SHANK2: variants seen among roughly 807,000 people sequenced by gnomAD.
SHANK2 encodes SH3 and multiple ankyrin repeat domains 2, also known as SH3 and multiple ankyrin repeat domains protein 2.
SHANK2 carries 43 observed loss-of-function variants against 133.7 expected under a neutral mutation model. The ratio of observed to expected loss-of-function variants is 0.32; its 90% CI spans 0.25 to 0.41. The LOEUF (loss-of-function observed/expected upper bound fraction) is 0.41, where lower values mean the gene tolerates loss of function less well. Ranked by LOEUF, SHANK2 falls within the 10% of genes least tolerant of loss-of-function variation. The pLI is 1.00. For synonymous variants in SHANK2, 1,017 were observed against 952.8 expected (o/e 1.07, Z -1.24); for missense variants, 1,994 against 2,235.8 (o/e 0.89, Z 2.18).
chr11:70,765,024 A>G (rs943533795), intron 14 of SHANK2, among the ~76,000 whole-genome samples: 1 of 152,230 alleles, frequency 6.6e-6, no homozygotes, highest in Admixed American at 6.5e-5. Context: ...CAACAGCCCA[A>G]GGGAAGAAGA....
intron 9 of SHANK2, among the ~76,000 whole-genome samples, chr11:71,062,996 C>CAAAAA (rs1169050698): frequency 5.6e-4 from 39 of 69,736 alleles, no homozygotes; most frequent in African/African-American, 1.9e-3. Flanking sequence ...GACCCTGTCT[C>CAAAAA]AAAAAAAAAA....
intron 17 of SHANK2, among the ~76,000 whole-genome samples, chr11:70,573,488 T>C (rs2060075140): frequency 7.2e-6 from 1 of 138,532 alleles, no homozygotes; most frequent in African/African-American, 2.7e-5. Flanking sequence ...TTTTAAAAAG[T>C]GTATCATGAT....
At chr11:71,128,223 C>T (rs1475524880) in intron 3 of SHANK2, among the ~76,000 whole-genome samples, 1 of 152,202 alleles carries the variant, frequency 6.6e-6, no homozygotes, top group Admixed American at 6.5e-5. Flanking sequence ...CATATTTTGC[C>T]TTAGGATGTT....
chr11:71,231,462 G>A (rs1240106014), intron 1 of SHANK2, among the ~76,000 whole-genome samples: 2 of 152,172 alleles, frequency 1.3e-5, no homozygotes, highest in South Asian at 2.1e-4. Flanking sequence ...GATCTTACAC[G>A]TTGCTGGTGG....
chr11:70,502,349 G>A, intron 18 of SHANK2, 63 bp from the exon 19 acceptor site: 1 of 1,460,790 alleles, frequency 6.8e-7, no homozygotes, highest in Non-Finnish European at 9.3e-7. Context: ...TGGGAATAAG[G>A]CTAGCAGTGG....
At chr11:70,702,523 TC>T (rs1417740291) in intron 14 of SHANK2, among the ~76,000 whole-genome samples, 1 of 151,854 alleles carries the variant, frequency 6.6e-6, no homozygotes, top group Non-Finnish European at 1.5e-5. Flanking sequence ...ATCCTCTTCT[TC>T]ACCAGCATCA....
intron 2 of SHANK2, among the ~76,000 whole-genome samples, chr11:71,220,702 C>T (rs908131794): frequency 6.6e-6 from 1 of 151,984 alleles, no homozygotes; most frequent in Non-Finnish European, 1.5e-5. Context: ...ACCCCACTCC[C>T]ATGAGGTTCC....
intron 11 of SHANK2, among the ~76,000 whole-genome samples, chr11:70,885,781 C>G (rs1302521884): frequency 6.6e-6 from 1 of 152,188 alleles, no homozygotes; most frequent in Non-Finnish European, 1.5e-5. Flanking sequence ...AGCGGACACT[C>G]CCTGGGCGTC....
At chr11:70,710,010 G>A (rs374188622) in intron 14 of SHANK2, among the ~76,000 whole-genome samples, 3 of 152,166 alleles carry the variant, frequency 2.0e-5, no homozygotes, top group Non-Finnish European at 4.4e-5. Flanking sequence ...TTCCCTGGCC[G>A]CTGGACTTGA....
intron 6 of SHANK2, among the ~76,000 whole-genome samples, chr11:71,105,910 A>G (rs74427881): frequency 0.033 from 4,950 of 152,220 alleles, 259 homozygotes; most frequent in African/African-American, 0.11. Flanking sequence ...TGTTGGGTAC[A>G]GCACCAAGCG....
At chr11:70,745,724 G>A (rs971485270) in intron 14 of SHANK2, among the ~76,000 whole-genome samples, 1 of 152,148 alleles carries the variant, frequency 6.6e-6, no homozygotes, top group African/African-American at 2.4e-5. Flanking sequence ...CTACTTCTGT[G>A]AGCCGTCCCA....
chr11:70,493,466 T>TC (rs1412808355), intron 21 of SHANK2, among the ~76,000 whole-genome samples: 1 of 106,170 alleles, frequency 9.4e-6, no homozygotes, highest in Non-Finnish European at 2.0e-5. Flanking sequence ...TGCAGCACAT[T>TC]TTTTTTTTTT....
intron 17 of SHANK2, among the ~76,000 whole-genome samples, chr11:70,508,364 C>G (rs2059160142): frequency 6.6e-6 from 1 of 152,248 alleles, no homozygotes; most frequent in African/African-American, 2.4e-5. Flanking sequence ...AGGCCACCAT[C>G]AGGGCTAAGT....
intron 17 of SHANK2, among the ~76,000 whole-genome samples, chr11:70,531,276 C>T (rs1319764639): frequency 1.3e-5 from 2 of 152,206 alleles, no homozygotes; most frequent in Admixed American, 6.5e-5. Flanking sequence ...GCCCAGGCGC[C>T]TCACCTGCCA....
intron 17 of SHANK2, among the ~76,000 whole-genome samples, chr11:70,613,438 C>T (rs907667896): frequency 3.3e-5 from 5 of 152,106 alleles, no homozygotes; most frequent in African/African-American, 7.2e-5. Flanking sequence ...CTCCTGACCT[C>T]GTGATCCGCC....
intron 1 of SHANK2, among the ~76,000 whole-genome samples, chr11:71,250,560 C>G (rs1248761584): frequency 2.6e-5 from 4 of 152,216 alleles, no homozygotes; most frequent in Non-Finnish European, 4.4e-5. Context: ...CGAGCTCGCT[C>G]TCCTCACTCC....
In SHANK2 at chr11:70,473,377, C is replaced by T. The variant is rs781979914; in HGVS notation, c.5042G>A (p.Arg1681His). 8.1e-6 allele frequency: 13 copies of T among 1,611,422 alleles called. No individual in the cohort carries two copies. Among genetic ancestry groups the T allele is most frequent in the African/African-American group, 5.3e-5 (4 of 74,914 alleles). ...GGTGATGGGCTGGGAGGTGCCGGGG[C>T]GAACAGTGAAGGTGACCGTCGTGCT... ...TRSTTVTFTV[R>H]PGTSQPITLQ... is the part of the protein sequence containing the mutation. Residue 1681 changes from arginine (R) to histidine (H), a missense_variant, in exon 26 of 26, where the codon CGC becomes CAC. Around this residue, in one of 5 missense-constraint regions of SHANK2, gnomAD observed 797 missense variants for 907.4 expected, o/e 0.88. Coordinates refer to ENST00000601538, the MANE Select transcript of SHANK2 (RefSeq NM_012309.5). This position sits in a 1 kb window ranked among gnomAD's most constrained non-coding sequence, Gnocchi z 5.9.
intron 10 of SHANK2, among the ~76,000 whole-genome samples, chr11:70,912,194 C>CATAA (rs1555079170): frequency 6.6e-6 from 1 of 151,250 alleles, no homozygotes; most frequent in African/African-American, 2.4e-5. Context: ...ACCACGTGAC[C>CATAA]TTATGCAAGC....
At chr11:71,208,683 C>A (rs1954184437) in intron 2 of SHANK2, among the ~76,000 whole-genome samples, 1 of 152,134 alleles carries the variant, frequency 6.6e-6, no homozygotes, top group African/African-American at 2.4e-5. Flanking sequence ...GATTCCAATT[C>A]CCCTAGGTGT....
Sources: allele counts gnomAD v4.1 joint callset (sites outside exome capture counted in the v4.1 genomes callset), GRCh38; gene constraint gnomAD v4.1.1; regional missense constraint gnomAD v4.1.1; non-coding constraint Gnocchi (gnomAD v3.1); transcripts MANE v1.5; gene names NCBI Gene and HGNC (gene_info 2026-07-23, HGNC 2026-07-21).